Variants in SIRT6 observed in about 807,000 individuals in gnomAD.
The protein encoded by SIRT6 is sirtuin 6.
In SIRT6, 21 loss-of-function variants were observed where a neutral mutation model predicts 33.6. The observed-to-expected ratio is 0.62, with a 90% CI of 0.44 to 0.90. The LOEUF (loss-of-function observed/expected upper bound fraction) is 0.90. Ranked by LOEUF, SIRT6 falls within the 40% of genes least tolerant of loss-of-function variation. SIRT6 has a pLI of 0.00. For synonymous variants in SIRT6, 221 were observed against 223.9 expected, an observed-to-expected ratio of 0.99 and a Z score of 0.12; for missense variants, 504 against 510.6, an observed-to-expected ratio of 0.99 and a Z score of 0.12.
chr19:4,181,073 C>T (rs1967624232), intron 1 of SIRT6, among the ~76,000 whole-genome samples, 164 bp from the exon 2 acceptor site: 5 of 152,194 alleles, frequency 3.3e-5, no homozygotes, highest in Admixed American at 3.3e-4. Flanking sequence ...ACCTTCCATG[C>T]CTCCCACCTG....
chr19:4,175,017 CA>C lies in SIRT6; in HGVS notation c.738+10del, dbSNP rs1213070817. 2 of 1,600,086 alleles carry C rather than the reference CA, an allele frequency of 1.2e-6. No individual in the cohort carries two copies. The highest frequency in any genetic ancestry group is 1.7e-6 in the Non-Finnish European group (2 of 1,172,468). On this transcript the variant is annotated intron_variant, in intron 7 of 7. Transcript: ENST00000337491. The stretch of plus-strand genomic sequence containing the variant: ...TGGTGGCCCTGGGCAGGGGTAGGCT[CA>C]GACACCTACGTGCTTGGTGGGCTGC...
intron 2 of SIRT6, among the ~76,000 whole-genome samples, chr19:4,180,171 C>T (rs1158635532): frequency 7.9e-6 from 1 of 127,280 alleles, no homozygotes; most frequent in Admixed American, 1.0e-4. Flanking sequence ...ATGGCATGAT[C>T]CTGGCTGACT....
chr19:4,178,321 G>A (rs970169754), intron 3 of SIRT6, among the ~76,000 whole-genome samples: 17 of 151,864 alleles, frequency 1.1e-4, no homozygotes, highest in African/African-American at 4.1e-4. Context: ...CACCATGCCC[G>A]GCCCCTCGTT....
chr19:4,176,992 C>A, intron 4 of SIRT6, 87 bp downstream of exon 4: 1 of 1,203,382 alleles, frequency 8.3e-7, no homozygotes, highest in Admixed American at 2.0e-5. Flanking sequence ...CCCAGTCCCC[C>A]CATACCCTCT....
chr19:4,174,550 G>A lies in SIRT6; in HGVS notation c.*67C>T. 1 of 1,340,534 alleles carries A rather than the reference G, an allele frequency of 7.5e-7. No individual in the cohort carries two copies. Among genetic ancestry groups the A allele is most frequent in the Non-Finnish European group, 9.8e-7 (1 of 1,019,928 alleles). 83.0% of individuals were successfully genotyped at this position (1,340,534 alleles called of 1,614,324 possible). A position where few individuals can be genotyped will look rare whatever the true frequency, so the allele number is the denominator to read the frequency against. ...CCCGGGGACAGAAACAAGTAACAAA[G>A]TGAGACCACGAGAGAAAAAGAATCC... On this transcript the variant is annotated 3_prime_UTR_variant, in exon 8 of 8. Coordinates refer to ENST00000337491, the MANE Select transcript of SIRT6 (RefSeq NM_016539.4). This position sits in a 1 kb window ranked among gnomAD's most constrained non-coding sequence, Gnocchi z 4.2.
rs755757451 is a variant in SIRT6, at chr19:4,175,076, C to T, written c.690G>A (p.Lys230=). Residue 230 remains lysine (K), a synonymous_variant, in exon 7 of 8, where the codon AAG becomes AAA. Transcript: ENST00000337491. ...CGATGACCAGGCGGCCTCCCCGGCG[C>T]TTGGTAGCCAGCGGCAGGTTCCCGC... ...RPSGNLPLAT[K]RRGGRLVIVN... The T allele has an allele frequency of 6.3e-7, 1 of 1,594,702 alleles. No homozygotes were observed. Among genetic ancestry groups the T allele is most frequent in the South Asian group, 1.1e-5 (1 of 88,854 alleles).
Position 4,177,075 on chromosome 19 carries a change from T to A in SIRT6, c.437+4A>T. On this transcript the variant is annotated splice_donor_region_variant and intron_variant, in intron 4 of 7. Coordinates refer to ENST00000337491, the MANE Select transcript of SIRT6 (RefSeq NM_016539.4). The stretch of plus-strand genomic sequence containing the variant: ...CCCCACCCCTGCACCCAGGTGGCAC[T>A]CACGTCTTACACTTGGCACATTCTT... The A allele has an allele frequency of 6.2e-7, 1 of 1,611,486 alleles. No homozygotes were observed. The highest frequency in any genetic ancestry group is 8.5e-7 in the Non-Finnish European group (1 of 1,178,694).
At chr19:4,181,230 ACAGTC>A (rs975258946) in intron 1 of SIRT6, among the ~76,000 whole-genome samples, 4 of 151,954 alleles carry the variant, frequency 2.6e-5, no homozygotes, top group Non-Finnish European at 2.9e-5. Context: ...CACACCAGGC[ACAGTC>A]CCGCCTCAGG....
At position 4,182,525 on chromosome 19, in the gene SIRT6, G is replaced by A. The variant is rs200766576; in HGVS notation, c.15C>T (p.Tyr5=). MSVN[Y]AAGLSPYADK... ...CCGCGTACGGCGACAGCCCCGCCGC[G>A]TAATTCACCGACATCCTCGACTGCC... Residue 5 remains tyrosine (Y), a synonymous_variant, in exon 1 of 8, where the codon TAC becomes TAT. Transcript: ENST00000337491. 28 of 1,611,136 alleles carry A rather than the reference G, an allele frequency of 1.7e-5. No homozygotes were observed. The highest frequency in any genetic ancestry group is 2.0e-5 in the Non-Finnish European group (24 of 1,179,000).
intron 2 of SIRT6, among the ~76,000 whole-genome samples, chr19:4,180,240 G>C (rs530866450): frequency 1.3e-5 from 2 of 151,372 alleles, no homozygotes; most frequent in African/African-American, 4.9e-5. Flanking sequence ...AAGTAGCTGC[G>C]ATTACAGGTG....
chr19:4,174,746 G>A lies in SIRT6; in HGVS notation c.939C>T (p.Ala313=), dbSNP rs747928110. The A allele has an allele frequency of 2.1e-5, 31 of 1,488,318 alleles. No homozygotes were observed. The highest frequency in any genetic ancestry group is 1.5e-4 in the East Asian group (6 of 40,604). The allele number at this position is 1,488,318 out of a possible 1,614,324, so 92.2% of individuals were successfully genotyped here. ...GGGCGCAGGGCTCCTGCTTGGGGCC[G>A]GCGGGGATAGAGCCGTTGATCCGGG... ...SPTRINGSIP[A]GPKQEPCAQH... is the part of the protein sequence containing the mutation. Residue 313 remains alanine (A), a synonymous_variant, in exon 8 of 8, where the codon GCC becomes GCT. Coordinates refer to ENST00000337491, the MANE Select transcript of SIRT6 (RefSeq NM_016539.4). This position sits in a 1 kb window ranked among gnomAD's most constrained non-coding sequence, Gnocchi z 4.2.
At chr19:4,182,311 C>T in intron 1 of SIRT6, 163 bp downstream of exon 1, 1 of 682,956 alleles carries the variant, frequency 1.5e-6, no homozygotes, top group Non-Finnish European at 2.4e-6. Context: ...TTGGCGTCCC[C>T]CGGCGCGCAG....
At chr19:4,176,130 A>G (rs1967291188) in intron 4 of SIRT6, among the ~76,000 whole-genome samples, 193 bp from the exon 5 acceptor site, 2 of 152,180 alleles carry the variant, frequency 1.3e-5, no homozygotes, top group African/African-American at 4.8e-5. Flanking sequence ...GGAGCACAGA[A>G]AACAAAGCAG....
Position 4,179,288 on chromosome 19 carries a change from T to A in SIRT6, c.195-2A>T. 1 of 1,595,284 alleles carries A rather than the reference T, an allele frequency of 6.3e-7. No individual in the cohort carries two copies. ...ATGGTCCAGACTCCGTGGGGACCCC[T>A]GAAGGTGGCAGGCCGGGAGAGATGG... On this transcript the variant is annotated splice_acceptor_variant, in intron 2 of 7. Coordinates refer to ENST00000337491, the MANE Select transcript of SIRT6 (RefSeq NM_016539.4). LOFTEE classifies it high-confidence loss of function.
Position 4,179,228 on chromosome 19 carries a change from T to A in SIRT6, c.253A>T (p.Thr85Ser). The stretch of plus-strand genomic sequence containing the variant: ...TGCGTGGGCCGCGCGCTCTCAAAGG[T>A]GGTGTCGAACTTGGGGGCCAGACCT... ...ERGLAPKFDT[T>S]FESARPTQTH... Residue 85 changes from threonine to serine, a missense_variant, in exon 3 of 8, where the codon ACC (threonine) becomes TCC (serine). Thr to Ser is a moderately conservative substitution (Grantham distance 58, BLOSUM62 1). Coordinates refer to ENST00000337491, the MANE Select transcript of SIRT6 (RefSeq NM_016539.4). 6.2e-7 allele frequency: 1 copy of A among 1,610,292 alleles called. No individual in the cohort carries two copies. Among genetic ancestry groups the A allele is most frequent in the Admixed American group, 1.7e-5 (1 of 59,370 alleles).
chr19:4,182,461 C>T lies in SIRT6; in HGVS notation c.66+13G>A. ...CCTGGGGCGCGATGCTCGGGACCCT[C>T]AGACGCGCTCACCTCCGGGAGGCCG... is the stretch of plus-strand genomic sequence containing the variant. On this transcript the variant is annotated intron_variant, in intron 1 of 7. Transcript: ENST00000337491. The T allele has an allele frequency of 6.2e-7, 1 of 1,607,342 alleles. No homozygotes were observed. Among genetic ancestry groups the T allele is most frequent in the African/African-American group, 1.3e-5 (1 of 74,654 alleles).
intron 6 of SIRT6, chr19:4,175,468 CT>C: frequency 1.6e-6 from 1 of 629,052 alleles, no homozygotes; most frequent in East Asian, 2.8e-5. Context: ...TGGCGGAAGC[CT>C]TGGTTTCCTT....
Position 4,179,232 on chromosome 19 carries a change from G to A in SIRT6, c.249C>T (p.Asp83=), listed in dbSNP as rs201206776. The change falls in exon 3 of 8, where the codon GAC becomes GAT. Residue 83 remains aspartate (D), a synonymous_variant. Transcript: ENST00000337491. ...MEERGLAPKF[D]TTFESARPTQ... ...TGGGCCGCGCGCTCTCAAAGGTGGT[G>A]TCGAACTTGGGGGCCAGACCTCGCT... The A allele has an allele frequency of 6.2e-7, 1 of 1,610,298 alleles. No homozygotes were observed. The highest frequency in any genetic ancestry group is 2.2e-5 in the East Asian group (1 of 44,812).
Position 4,174,972 on chromosome 19 carries a change from C to T in SIRT6, c.739-26G>A, listed in dbSNP as rs753029336. ...CTGCCGAGGGGCGGGACGGGTCAGGCGTGGGGGACAGAGGGTGCATGGTGG... is the reference window on the plus strand; with the variant it reads ...CTGCCGAGGGGCGGGACGGGTCAGGTGTGGGGGACAGAGGGTGCATGGTGG... On this transcript the variant is annotated intron_variant, in intron 7 of 7. Coordinates refer to ENST00000337491, the MANE Select transcript of SIRT6 (RefSeq NM_016539.4). This position sits in a 1 kb window ranked among gnomAD's most constrained non-coding sequence, Gnocchi z 4.2. The T allele has an allele frequency of 1.9e-5, 30 of 1,609,144 alleles. No homozygotes were observed. The highest frequency in any genetic ancestry group is 2.1e-5 in the Non-Finnish European group (25 of 1,178,320).
Sources: gnomAD v4.1 joint callset for allele counts (sites outside exome capture counted in the v4.1 genomes callset) on GRCh38, gnomAD v4.1.1 for gene constraint, Gnocchi (gnomAD v3.1) non-coding constraint, MANE v1.5 for transcripts, NCBI Gene and HGNC (gene_info 2026-07-23, HGNC 2026-07-21) for gene names.